Variants in CSMD1 observed in about 807,000 individuals in gnomAD.
CSMD1 encodes CUB and Sushi multiple domains 1, also known as CUB and sushi domain-containing protein 1.
In CSMD1, 213 loss-of-function variants were observed where a neutral mutation model predicts 417.5. That is an observed-to-expected ratio of 0.51 (90% CI 0.46 to 0.57). CSMD1 has a LOEUF of 0.57. CSMD1 is among the 20% of genes least tolerant of loss of function. The probability of loss-of-function intolerance (pLI) is 0.00; values close to 1 mark genes in which losing one functional copy is unlikely to be tolerated. For synonymous variants in CSMD1, 2,862 were observed against 1,736.8 expected (o/e 1.65, Z -16.11); for missense variants, 6,923 against 4,529.7 (o/e 1.53, Z -15.17).
At chr8:3,422,663 G>C (rs566418735) in intron 12 of CSMD1, among the ~76,000 whole-genome samples, 1 of 152,114 alleles carries the variant, frequency 6.6e-6, no homozygotes, top group African/African-American at 2.4e-5. Context: ...ATCTATTTTC[G>C]ATGCATTTTT....
chr8:4,112,695 G>A (rs1370821372), intron 3 of CSMD1, among the ~76,000 whole-genome samples: 1 of 152,142 alleles, frequency 6.6e-6, no homozygotes, highest in Non-Finnish European at 1.5e-5. Context: ...TTATATATGA[G>A]GGTTTGCAAG....
intron 5 of CSMD1, among the ~76,000 whole-genome samples, chr8:3,992,486 T>G (rs1171611640): frequency 6.6e-6 from 1 of 152,212 alleles, no homozygotes; most frequent in Non-Finnish European, 1.5e-5. Flanking sequence ...AATCCAAATT[T>G]AAGATAGAAA....
intron 1 of CSMD1, among the ~76,000 whole-genome samples, chr8:4,725,240 C>T (rs893600576): frequency 6.6e-6 from 1 of 152,124 alleles, no homozygotes; most frequent in Non-Finnish European, 1.5e-5. Flanking sequence ...TTTAGTATCA[C>T]GAGCAAAGTA....
At chr8:3,443,706 T>G (rs565066914) in intron 12 of CSMD1, among the ~76,000 whole-genome samples, 1 of 152,310 alleles carries the variant, frequency 6.6e-6, no homozygotes, top group African/African-American at 2.4e-5. Flanking sequence ...ATCTAAAATG[T>G]TTAAAGAAGT....
intron 5 of CSMD1, among the ~76,000 whole-genome samples, chr8:3,950,715 T>G (rs1341705091): frequency 6.7e-6 from 1 of 150,180 alleles, no homozygotes; most frequent in Non-Finnish European, 1.5e-5. Flanking sequence ...TAAAACTTCT[T>G]CCTCAAAATG....
chr8:4,816,985 C>A (rs1377133302), intron 1 of CSMD1, among the ~76,000 whole-genome samples: 1 of 152,118 alleles, frequency 6.6e-6, no homozygotes, highest in Non-Finnish European at 1.5e-5. Context: ...GAAAACTGCA[C>A]CAAACACAGA....
At chr8:3,590,224 T>C (rs148259450) in intron 8 of CSMD1, among the ~76,000 whole-genome samples, 2 of 152,338 alleles carry the variant, frequency 1.3e-5, no homozygotes, top group East Asian at 3.9e-4. Context: ...CAACCCATTT[T>C]TGAGCGGTAG....
intron 1 of CSMD1, among the ~76,000 whole-genome samples, chr8:4,758,953 T>A (rs1585053111): frequency 6.6e-6 from 1 of 151,992 alleles, no homozygotes; most frequent in South Asian, 2.1e-4. Context: ...CGGTGGAGGG[T>A]TTGCCTGTTG....
At chr8:3,854,745 G>A (rs1443451571) in intron 5 of CSMD1, among the ~76,000 whole-genome samples, 13 of 124,914 alleles carry the variant, frequency 1.0e-4, no homozygotes, top group East Asian at 5.2e-4. Flanking sequence ...TCCAGAGGGG[G>A]TAAAAAAGAA....
At chr8:4,897,203 T>C (rs1017318315) in intron 1 of CSMD1, among the ~76,000 whole-genome samples, 3 of 152,094 alleles carry the variant, frequency 2.0e-5, no homozygotes, top group Admixed American at 1.3e-4. Context: ...GGAGGTAGAA[T>C]AAAACTCACA....
intron 50 of CSMD1, among the ~76,000 whole-genome samples, chr8:3,037,207 CTTTT>C (rs34495486): frequency 1.3e-5 from 2 of 150,112 alleles, no homozygotes; most frequent in African/African-American, 4.9e-5. Context: ...ACCACACTTT[CTTTT>C]TTTTGTTTTT....
chr8:4,842,890 C>T (rs73183442), intron 1 of CSMD1, among the ~76,000 whole-genome samples: 3,554 of 152,148 alleles, frequency 0.023, 63 homozygotes, highest in Non-Finnish European at 0.032. Context: ...ACAATGGAAA[C>T]GTAGAATTGG....
At chr8:3,686,441 A>C (rs1799949139) in intron 7 of CSMD1, among the ~76,000 whole-genome samples, 2 of 152,172 alleles carry the variant, frequency 1.3e-5, no homozygotes, top group Non-Finnish European at 2.9e-5. Flanking sequence ...ATGGGTTAAG[A>C]ATATGCCACC....
At chr8:3,062,544 AAAC>A (rs1300006756) in intron 49 of CSMD1, among the ~76,000 whole-genome samples, 1 of 145,486 alleles carries the variant, frequency 6.9e-6, no homozygotes, top group Non-Finnish European at 1.5e-5. Flanking sequence ...AACAACAACA[AAAC>A]AAAACACATT....
intron 40 of CSMD1, among the ~76,000 whole-genome samples, chr8:3,149,036 T>A (rs1819024754): frequency 6.6e-6 from 1 of 152,238 alleles, no homozygotes. Flanking sequence ...ATATCCAATT[T>A]TTTTAAGATT....
chr8:3,937,464 G>A (rs1185890463), intron 5 of CSMD1, among the ~76,000 whole-genome samples: 1 of 152,034 alleles, frequency 6.6e-6, no homozygotes, highest in African/African-American at 2.4e-5. Context: ...CATCAACATT[G>A]ACGAAAGACC....
intron 3 of CSMD1, among the ~76,000 whole-genome samples, chr8:4,177,862 C>A (rs1186948528): frequency 6.6e-6 from 1 of 151,748 alleles, no homozygotes; most frequent in Non-Finnish European, 1.5e-5. Flanking sequence ...CACATACACT[C>A]TCCCAAGACT....
chr8:4,656,434 T>G (rs1804235544), intron 1 of CSMD1, among the ~76,000 whole-genome samples: 1 of 152,076 alleles, frequency 6.6e-6, no homozygotes, highest in Admixed American at 6.5e-5. Context: ...CATTATATTA[T>G]CCACGTAAAG....
chr8:4,724,595 A>G (rs924733359), intron 1 of CSMD1, among the ~76,000 whole-genome samples: 3 of 151,304 alleles, frequency 2.0e-5, no homozygotes, highest in African/African-American at 7.3e-5. Flanking sequence ...GTTGAAGAAG[A>G]ATTGACATAA....
Sources: gnomAD v4.1 joint callset for allele counts (sites outside exome capture counted in the v4.1 genomes callset) on GRCh38, gnomAD v4.1.1 for gene constraint, MANE v1.5 for transcripts, NCBI Gene and HGNC (gene_info 2026-07-23, HGNC 2026-07-21) for gene names.